NCOR2: variants seen among roughly 807,000 people sequenced by gnomAD.
The protein encoded by NCOR2 is CTG repeat protein 26.
In NCOR2, 81 loss-of-function variants were observed where a neutral mutation model predicts 262.9. That is an observed-to-expected ratio of 0.31 (90% CI 0.26 to 0.37). The LOEUF is 0.37. Ranked by LOEUF, NCOR2 falls within the 10% of genes least tolerant of loss-of-function variation. The probability of loss-of-function intolerance (pLI) is 1.00; values close to 1 mark genes in which losing one functional copy is unlikely to be tolerated. For synonymous variants in NCOR2, 1,659 were observed against 1,559.3 expected, an observed-to-expected ratio of 1.06 and a Z score of -1.51; for missense variants, 3,385 against 3,621.4, an observed-to-expected ratio of 0.93 and a Z score of 1.68.
At chr12:124,348,336 C>T (rs771826562) in intron 28 of NCOR2, 22 bp from the exon 31 acceptor site, 16 of 1,586,198 alleles carry the variant, frequency 1.0e-5, no homozygotes, top group African/African-American at 6.7e-5. Context: ...ACAAAGCACT[C>T]GGTGAGGAGC....
At chr12:124,355,396 G>A (rs2037873134) in intron 24 of NCOR2, 36 bp downstream of exon 26, 1 of 1,608,672 alleles carries the variant, frequency 6.2e-7, no homozygotes, top group African/African-American at 1.3e-5. Flanking sequence ...CAGATAAGAA[G>A]ACTAAGCCCC....
chr12:124,472,975 T>C lies in NCOR2; in HGVS notation c.568A>G (p.Ile190Val), dbSNP rs756647686. ...ACCTGCTTCTTCTTCAGCTTAGAGA[T>C]CTGCTGCTCTACCATGGTGATCTCT... The change falls in exon 4 of 47, where the codon ATC becomes GTC. Residue 190 changes from isoleucine (I) to valine (V), a missense_variant. By Grantham distance (29) the Ile-to-Val change is conservative. Coordinates refer to ENST00000405201, the Ensembl canonical transcript of NCOR2. 8 of 1,614,154 alleles carry C rather than the reference T, an allele frequency of 5.0e-6. No individual in the cohort carries two copies. The Admixed American group carries it at 1.2e-4, about 24-fold the overall frequency.
At chr12:124,537,792 G>A (rs1566037220), upstream of NCOR2, 2 of 152,020 alleles carry the variant, frequency 1.3e-5, no homozygotes, top group East Asian at 3.9e-4. Context: ...CCTTTGAAAG[G>A]GCAGCTGCGG....
At chr12:124,395,553 G>A (rs1450089640) in intron 16 of NCOR2, among the ~76,000 whole-genome samples, 1 of 152,236 alleles carries the variant, frequency 6.6e-6, no homozygotes, top group Non-Finnish European at 1.5e-5. Context: ...TCATCACTGA[G>A]GACCCAACCT....
At chr12:124,533,036 T>G in intron 1 of NCOR2, among the ~76,000 whole-genome samples, 1 of 94,256 alleles carries the variant, frequency 1.1e-5, no homozygotes, top group Non-Finnish European at 2.0e-5. Flanking sequence ...TCCCTCCAAA[T>G]CCCACTCCTC....
chr12:124,337,022 C>A lies in NCOR2; in HGVS notation c.5846G>T (p.Arg1949Leu), dbSNP rs757650627. Residue 1949 changes from arginine (R) to leucine (L), a missense_variant, in exon 38 of 47, where the codon CGA (arginine) becomes CTA (leucine). This residue lies in a region of NCOR2 where 1,017 missense variants were observed against 967.2 expected (regional missense o/e 1.05). Transcript: ENST00000405201. The stretch of plus-strand genomic sequence containing the variant: ...GAGGAAGGCATGGCCGGTGTCTGCT[C>A]GGGGCCGCTCTGGCCGGGCGACCCG... 4 of 1,504,402 alleles carry A rather than the reference C, an allele frequency of 2.7e-6. No homozygotes were observed. In the East Asian group the frequency reaches 9.3e-5, roughly 35 times the overall value. The allele number at this position is 1,504,402 out of a possible 1,614,324, so 93.2% of individuals were successfully genotyped here. A position where few individuals can be genotyped will look rare whatever the true frequency, so the allele number is the denominator to read the frequency against.
At chr12:124,479,316 A>G (rs1405042275) in intron 3 of NCOR2, among the ~76,000 whole-genome samples, 2 of 151,532 alleles carry the variant, frequency 1.3e-5, no homozygotes, top group African/African-American at 4.9e-5. Flanking sequence ...GCACGGACAC[A>G]TGCACACACG....
intron 16 of NCOR2, among the ~76,000 whole-genome samples, chr12:124,391,986 G>A (rs1219347642): frequency 6.6e-6 from 1 of 152,204 alleles, no homozygotes; most frequent in Admixed American, 6.5e-5. Context: ...GTGAGCACTG[G>A]CTCTCCCTCT....
At chr12:124,466,878 T>C (rs956215459) in intron 4 of NCOR2, among the ~76,000 whole-genome samples, 4 of 151,970 alleles carry the variant, frequency 2.6e-5, no homozygotes, top group Admixed American at 1.3e-4. Flanking sequence ...TAGAGAGCCG[T>C]TGTGAAGGTG....
chr12:124,408,857 C>T (rs1303036703), intron 13 of NCOR2, among the ~76,000 whole-genome samples: 3 of 152,184 alleles, frequency 2.0e-5, no homozygotes, highest in Admixed American at 6.5e-5. Flanking sequence ...TCATCCGTGC[C>T]GTGGAGGTGA....
intron 18 of NCOR2, among the ~76,000 whole-genome samples, chr12:124,376,352 T>C (rs1183963717): frequency 1.3e-5 from 2 of 152,196 alleles, no homozygotes; most frequent in African/African-American, 2.4e-5. Context: ...CCGGTTTTAA[T>C]GTGTGGCCAT....
chr12:124,363,995 C>T (rs552738756), intron 20 of NCOR2, among the ~76,000 whole-genome samples, 196 bp from the exon 23 acceptor site: 46 of 152,232 alleles, frequency 3.0e-4, no homozygotes, highest in Middle Eastern at 6.8e-3. Flanking sequence ...AGATTTGGGG[C>T]CAGGGGAGGG....
At chr12:124,460,955 G>A (rs951798819) in intron 5 of NCOR2, among the ~76,000 whole-genome samples, 1 of 152,226 alleles carries the variant, frequency 6.6e-6, no homozygotes, top group Admixed American at 6.5e-5. Flanking sequence ...TTCCCCATGC[G>A]GGCCCAAGGC....
At chr12:124,463,072 T>G (rs2046251063) in intron 5 of NCOR2, among the ~76,000 whole-genome samples, 1 of 152,200 alleles carries the variant, frequency 6.6e-6, no homozygotes, top group African/African-American at 2.4e-5. Context: ...ATGAAGCCCA[T>G]CCTGACTGTT....
intron 1 of NCOR2, 34 bp downstream of exon 1, chr12:124,567,255 GCGCGCTCCGCGCCTCCCCC>G (rs1213502991): frequency 7.9e-5 from 12 of 152,030 alleles, no homozygotes; most frequent in Non-Finnish European, 1.3e-4. Context: ...TCCCCCGGAA[GCGCGCTCCGCGCCTCCCCC>G]CGCCCTTCGC....
intron 5 of NCOR2, among the ~76,000 whole-genome samples, chr12:124,460,130 T>C (rs777907877): frequency 2.0e-5 from 3 of 152,218 alleles, no homozygotes; most frequent in Non-Finnish European, 2.9e-5. Context: ...GATAAGGGTC[T>C]GCGTCCCACT....
chr12:124,517,866 G>C lies in NCOR2; in HGVS notation c.-118+17699C>G, dbSNP rs1209206027. On this transcript the variant is annotated intron_variant, in intron 1 of 46. Transcript: ENST00000404621. The surrounding 1 kb of genome is among the most constrained non-coding windows in gnomAD (Gnocchi z 7.6). ...ACAGCCCTGCCCACCATCCCGCTGA[G>C]CTCAGGGCCGACAACACTGCGCTGC... is the stretch of plus-strand genomic sequence containing the variant. Among the ~76,000 whole-genome samples the C allele has an allele frequency of 6.6e-6, 1 of 152,188 alleles. No individual in the cohort carries two copies. Among genetic ancestry groups the C allele is most frequent in the Non-Finnish European group, 1.5e-5 (1 of 68,028 alleles).
At chr12:124,383,480 G>A (rs2040561764) in intron 17 of NCOR2, 1 of 931,600 alleles carries the variant, frequency 1.1e-6, no homozygotes, top group Non-Finnish European at 1.4e-6. Flanking sequence ...TGCCACCTTG[G>A]CCCAGTGCTC....
chr12:124,486,665 G>A, intron 1 of NCOR2, 97 bp from the exon 4 acceptor site: 2 of 1,417,288 alleles, frequency 1.4e-6, no homozygotes, highest in Non-Finnish European at 1.9e-6. Context: ...TCCCTGCTCA[G>A]GCTCGCTCCT....
Sources: allele counts gnomAD v4.1 joint callset (sites outside exome capture counted in the v4.1 genomes callset), GRCh38; gene constraint gnomAD v4.1.1; regional missense constraint gnomAD v4.1.1; non-coding constraint Gnocchi (gnomAD v3.1); transcripts MANE v1.5; gene names NCBI Gene and HGNC (gene_info 2026-07-23, HGNC 2026-07-21).